The following DDAH1 variants were observed in gnomAD, a reference collection of about 807,000 sequenced individuals.
DDAH1 encodes the protein dimethylarginine dimethylaminohydrolase 1, also known as N(G),N(G)-dimethylarginine dimethylaminohydrolase 1.
A neutral mutation model predicts 28.8 loss-of-function variants in DDAH1; 19 were observed. The observed-to-expected ratio is 0.66, with a 90% CI of 0.46 to 0.97. The LOEUF (loss-of-function observed/expected upper bound fraction) is 0.97. DDAH1 is among the 50% of genes least tolerant of loss of function. The pLI, the probability that DDAH1 is intolerant of heterozygous loss-of-function variation, is 0.00. For synonymous variants in DDAH1, 153 were observed against 154.4 expected (o/e 0.99, Z 0.07); for missense variants, 326 against 375.9 (o/e 0.87, Z 1.10).
chr1:85,349,625 T>G (rs760082617), intron 4 of DDAH1, among the ~76,000 whole-genome samples: 71 of 152,186 alleles, frequency 4.7e-4, no homozygotes, highest in Non-Finnish European at 9.1e-4. Context: ...TAATACCACC[T>G]CTCTCATTCA....
chr1:85,463,128 C>T (rs11161619), intron 1 of DDAH1, among the ~76,000 whole-genome samples: 9,300 of 152,288 alleles, frequency 0.061, 279 homozygotes, highest in African/African-American at 0.084. Flanking sequence ...TTATCCACTA[C>T]ACCATGTGAC....
intron 1 of DDAH1, among the ~76,000 whole-genome samples, chr1:85,574,312 C>T (rs1033929834): frequency 1.3e-5 from 2 of 151,282 alleles, no homozygotes; most frequent in Admixed American, 1.3e-4. Flanking sequence ...ATCTTATAGA[C>T]AAGGAAACCT....
chr1:85,468,352 T>C (rs1297703788), upstream of DDAH1, among the ~76,000 whole-genome samples: 1 of 152,200 alleles, frequency 6.6e-6, no homozygotes, highest in East Asian at 1.9e-4. Context: ...GTTCTCATGC[T>C]GTTAATAAAG....
intron 1 of DDAH1, among the ~76,000 whole-genome samples, chr1:85,444,154 T>C (rs767798234): frequency 6.6e-6 from 1 of 152,224 alleles, no homozygotes; most frequent in Non-Finnish European, 1.5e-5. Flanking sequence ...TGTGGTTTTG[T>C]CATAAATACC....
chr1:85,323,700 A>G (rs1302166002), intron 5 of DDAH1, among the ~76,000 whole-genome samples: 1 of 152,186 alleles, frequency 6.6e-6, no homozygotes, highest in Non-Finnish European at 1.5e-5. Flanking sequence ...ACAAATGGCC[A>G]GGTGTGGTGG....
At chr1:85,331,020 T>C (rs560592904) in intron 4 of DDAH1, among the ~76,000 whole-genome samples, 3 of 152,372 alleles carry the variant, frequency 2.0e-5, no homozygotes, top group African/African-American at 7.2e-5. Context: ...GTGGCCACAC[T>C]GTCATGGTCT....
chr1:85,428,443 G>A (rs1044773211), intron 1 of DDAH1, among the ~76,000 whole-genome samples: 1 of 152,066 alleles, frequency 6.6e-6, no homozygotes, highest in Non-Finnish European at 1.5e-5. Context: ...TCATTATCAT[G>A]AGAACAGCAT....
At chr1:85,491,386 T>C (rs1227501129) in intron 2 of DDAH1, among the ~76,000 whole-genome samples, 1 of 152,128 alleles carries the variant, frequency 6.6e-6, no homozygotes, top group Admixed American at 6.6e-5. Flanking sequence ...CAAGTGATTG[T>C]TAGGATTGTT....
chr1:85,509,509 G>T (rs1261318803), intron 1 of DDAH1, among the ~76,000 whole-genome samples: 1 of 152,172 alleles, frequency 6.6e-6, no homozygotes, highest in Non-Finnish European at 1.5e-5. Context: ...ACAGAAGTAG[G>T]CTTCAGAAGG....
intron 2 of DDAH1, among the ~76,000 whole-genome samples, chr1:85,485,439 G>T (rs1229003552): frequency 6.6e-6 from 1 of 152,056 alleles, no homozygotes; most frequent in African/African-American, 2.4e-5. Context: ...CAGAAATTTT[G>T]CAGATTTGGT....
chr1:85,351,407 T>C, intron 3 of DDAH1, 99 bp downstream of exon 3: 1 of 916,468 alleles, frequency 1.1e-6, no homozygotes, highest in Non-Finnish European at 1.7e-6. Context: ...ACAAAGCCAG[T>C]GAAGCGTAAA....
At chr1:85,410,637 C>CAA (rs10630765) in intron 1 of DDAH1, among the ~76,000 whole-genome samples, 6,181 of 142,114 alleles carry the variant, frequency 0.043, 474 homozygotes, top group African/African-American at 0.15. Context: ...AGCTCTGCCT[C>CAA]AAAAAAAAAA....
intron 2 of DDAH1, among the ~76,000 whole-genome samples, chr1:85,478,685 A>T (rs968161638): frequency 1.7e-4 from 26 of 152,238 alleles, no homozygotes; most frequent in African/African-American, 6.3e-4. Context: ...CCATATCATT[A>T]TCCTTTCAGT....
chr1:85,489,673 A>G (rs977733986), intron 2 of DDAH1, among the ~76,000 whole-genome samples: 3 of 152,058 alleles, frequency 2.0e-5, no homozygotes, highest in African/African-American at 7.2e-5. Context: ...AAGGGAAAAG[A>G]TGGACATTGA....
At chr1:85,452,771 C>T (rs56216312) in intron 1 of DDAH1, among the ~76,000 whole-genome samples, 10,852 of 152,214 alleles carry the variant, frequency 0.071, 531 homozygotes, top group Non-Finnish European at 0.11. Context: ...GAAATCAAGA[C>T]GACCTGCATG....
intron 1 of DDAH1, among the ~76,000 whole-genome samples, chr1:85,543,650 G>C (rs1278830393): frequency 2.0e-5 from 3 of 152,262 alleles, no homozygotes; most frequent in East Asian, 1.9e-4. Context: ...TAGCTATTCT[G>C]TCTGGGCAGC....
At chr1:85,367,458 C>T (rs1045031091) in intron 1 of DDAH1, among the ~76,000 whole-genome samples, 1 of 152,186 alleles carries the variant, frequency 6.6e-6, no homozygotes, top group African/African-American at 2.4e-5. Context: ...CAATCAGTAT[C>T]AACAAGGTTT....
chr1:85,346,943 A>C (rs36166679), intron 4 of DDAH1, among the ~76,000 whole-genome samples: 5,541 of 152,246 alleles, frequency 0.036, 152 homozygotes, highest in Non-Finnish European at 0.054. Context: ...ACCCCATCAA[A>C]AAGTGGGCAA....
intron 1 of DDAH1, among the ~76,000 whole-genome samples, chr1:85,381,047 G>A (rs1033285991): frequency 7.3e-5 from 11 of 151,340 alleles, no homozygotes; most frequent in Non-Finnish European, 1.6e-4. Context: ...GACCAGCCTG[G>A]CCAATATGGT....
Sources: gnomAD v4.1 joint callset for allele counts (sites outside exome capture counted in the v4.1 genomes callset) on GRCh38, gnomAD v4.1.1 for gene constraint, MANE v1.5 for transcripts, NCBI Gene and HGNC (gene_info 2026-07-23, HGNC 2026-07-21) for gene names.